PPP4R2: variants seen among roughly 807,000 people sequenced by gnomAD.
The protein encoded by PPP4R2 is protein phosphatase 4 regulatory subunit 2, also known as serine/threonine-protein phosphatase 4 regulatory subunit 2.
In PPP4R2, 13 loss-of-function variants were observed where a neutral mutation model predicts 47.2. The observed-to-expected ratio is 0.28, with a 90% CI of 0.18 to 0.44. PPP4R2 has a LOEUF of 0.44. PPP4R2 is among the 20% of genes least tolerant of loss of function. The probability of loss-of-function intolerance (pLI) is 1.00; values close to 1 mark genes in which losing one functional copy is unlikely to be tolerated. For synonymous variants in PPP4R2, 151 were observed against 163.3 expected (o/e 0.92, Z 0.57); for missense variants, 421 against 491.2 (o/e 0.86, Z 1.35).
chr3:73,059,778 T>C (rs1702805601), intron 4 of PPP4R2, among the ~76,000 whole-genome samples: 1 of 151,356 alleles, frequency 6.6e-6, no homozygotes. Flanking sequence ...CTGCAAAAAA[T>C]ACAAAAACTA....
In PPP4R2 at chr3:73,054,228, CTT is replaced by C. The variant is rs1702681732; in HGVS notation, c.288-4806_288-4805del. 2.0e-5 allele frequency among the ~76,000 whole-genome samples: 3 copies of C among 152,178 alleles called. 1 individual carries two copies. The South Asian group carries it at 6.2e-4, about 31-fold the overall frequency. On this transcript the variant is annotated intron_variant, in intron 3 of 8. Coordinates refer to ENST00000356692, the MANE Select transcript of PPP4R2 (RefSeq NM_174907.4). ...CCGCCGTGCTCAGCTAATTTCGCCT[CTT>C]TTAATAATGATAAGGAACCCCAATG...
At chr3:73,063,157 A>C (rs187416473) in intron 5 of PPP4R2, 198 of 477,646 alleles carry the variant, frequency 4.1e-4, no homozygotes, top group Admixed American at 1.2e-3. Flanking sequence ...CAAGATGAGC[A>C]ACCCCACATT....
chr3:73,010,098 T>A (rs1701691477), intron 2 of PPP4R2, among the ~76,000 whole-genome samples: 1 of 152,230 alleles, frequency 6.6e-6, no homozygotes, highest in Non-Finnish European at 1.5e-5. Flanking sequence ...CTAATTCAAG[T>A]CTCAAATTAG....
intron 2 of PPP4R2, among the ~76,000 whole-genome samples, chr3:73,006,722 C>A (rs898583927): frequency 2.0e-5 from 3 of 152,172 alleles, no homozygotes; most frequent in Non-Finnish European, 4.4e-5. Context: ...TTCGTCTTTT[C>A]GAACTCAGAG....
chr3:73,043,403 A>G (rs1014766168), intron 2 of PPP4R2, among the ~76,000 whole-genome samples: 1 of 152,218 alleles, frequency 6.6e-6, no homozygotes, highest in Non-Finnish European at 1.5e-5. Flanking sequence ...GCTTTTAATT[A>G]TCCTCACCAT....
intron 2 of PPP4R2, chr3:73,015,109 G>C (rs1332817159): frequency 2.3e-6 from 1 of 441,158 alleles, no homozygotes; most frequent in African/African-American, 2.0e-5. Context: ...AGCACTCTGA[G>C]ATCTCAGAAA....
intron 2 of PPP4R2, among the ~76,000 whole-genome samples, chr3:73,034,152 C>A (rs1702220214): frequency 6.6e-6 from 1 of 151,900 alleles, no homozygotes; most frequent in South Asian, 2.1e-4. Context: ...GTATTTTTTT[C>A]TTTTTAAACT....
At chr3:73,063,775 A>G (rs750433445) in intron 6 of PPP4R2, 28 bp downstream of exon 6, 1 of 1,437,804 alleles carries the variant, frequency 7.0e-7, no homozygotes, top group Non-Finnish European at 9.8e-7. Flanking sequence ...TAATACCTAC[A>G]GAGTTTGCAT....
intron 2 of PPP4R2, among the ~76,000 whole-genome samples, chr3:73,041,172 T>G (rs1465982985): frequency 1.3e-5 from 2 of 152,220 alleles, no homozygotes; most frequent in Non-Finnish European, 2.9e-5. Context: ...ATATCAGATT[T>G]TCATATATGT....
At chr3:73,062,162 A>G in intron 5 of PPP4R2, 1 of 1,550,602 alleles carries the variant, frequency 6.4e-7, no homozygotes, top group Non-Finnish European at 8.7e-7. Flanking sequence ...CTTACAAAAG[A>G]TCTTTTAGAC....
At chr3:73,026,454 T>C (rs560975043) in intron 2 of PPP4R2, among the ~76,000 whole-genome samples, 2 of 152,142 alleles carry the variant, frequency 1.3e-5, no homozygotes, top group East Asian at 3.9e-4. Flanking sequence ...CTCAGCCCAC[T>C]TCTATCATCA....
intron 2 of PPP4R2, among the ~76,000 whole-genome samples, chr3:73,028,953 G>T (rs1195540403): frequency 2.0e-5 from 3 of 152,088 alleles, no homozygotes; most frequent in African/African-American, 7.2e-5. Context: ...GCAGTTTTTT[G>T]TTGTTGTTTT....
In PPP4R2 at chr3:73,062,821, C is replaced by T. The variant is rs749067895; in HGVS notation, c.420-852C>T. 5.0e-6 allele frequency: 8 copies of T among 1,613,738 alleles called. No individual in the cohort carries two copies. In the Admixed American group the frequency reaches 8.3e-5, roughly 17 times the overall value. On this transcript the variant is annotated intron_variant, in intron 5 of 8. Coordinates refer to ENST00000356692, the MANE Select transcript of PPP4R2 (RefSeq NM_174907.4). ...GCCATAGGTTGGATCAGCTCAAGAC[C>T]ATGGGTTGGAGAATTAATGTTCACA... is the stretch of plus-strand genomic sequence containing the variant.
intron 5 of PPP4R2, chr3:73,061,312 CA>C (rs1308007848): frequency 4.6e-6 from 1 of 217,638 alleles, no homozygotes; most frequent in African/African-American, 2.3e-5. Flanking sequence ...GTTGGATTTA[CA>C]TACTGTGGTG....
chr3:73,066,248 A>ATATATATATATG lies in PPP4R2; in HGVS notation c.*537_*538insGTATATATATAT. 1 of 146,596 alleles carries ATATATATATATG rather than the reference A, an allele frequency of 6.8e-6. No homozygotes were observed. Among genetic ancestry groups the ATATATATATATG allele is most frequent in the South Asian group, 2.1e-4 (1 of 4,720 alleles). The allele number at this position is 146,596 out of a possible 1,614,324, so 9.1% of individuals were successfully genotyped here. ...AAGTCATATATACATACATATATAT[A>ATATATATATATG]TATATATATATATAATTCTAAGGGG... On this transcript the variant is annotated 3_prime_UTR_variant, in exon 9 of 9. Coordinates refer to ENST00000356692, the MANE Select transcript of PPP4R2 (RefSeq NM_174907.4).
intron 2 of PPP4R2, among the ~76,000 whole-genome samples, chr3:73,009,486 T>TC (rs1475812472): frequency 1.3e-5 from 2 of 152,338 alleles, no homozygotes; most frequent in Middle Eastern, 3.4e-3. Flanking sequence ...TGTATCTGTA[T>TC]CTACAGATCC....
At chr3:73,060,114 C>G (rs1177944415) in intron 4 of PPP4R2, among the ~76,000 whole-genome samples, 1 of 152,110 alleles carries the variant, frequency 6.6e-6, no homozygotes, top group Non-Finnish European at 1.5e-5. Context: ...CTCCCCTGTT[C>G]ATTTAAGGAT....
intron 2 of PPP4R2, among the ~76,000 whole-genome samples, chr3:73,041,020 C>A (rs907114009): frequency 7.1e-6 from 1 of 141,400 alleles, no homozygotes; most frequent in Non-Finnish European, 1.6e-5. Context: ...TGGATACATA[C>A]TTCTATGTCT....
chr3:73,016,830 T>C (rs1701848681), intron 2 of PPP4R2, among the ~76,000 whole-genome samples: 1 of 145,858 alleles, frequency 6.9e-6, no homozygotes, highest in African/African-American at 2.5e-5. Context: ...TTTTTTTTTT[T>C]TTTTTAAATA....
Sources: gnomAD v4.1 joint callset for allele counts (sites outside exome capture counted in the v4.1 genomes callset) on GRCh38, gnomAD v4.1.1 for gene constraint, MANE v1.5 for transcripts, NCBI Gene and HGNC (gene_info 2026-07-23, HGNC 2026-07-21) for gene names.